Variants in TBC1D5 observed in about 807,000 individuals in gnomAD.
TBC1D5 encodes the protein TBC1 domain family member 5, also known as TBC1 domain family, member 5.
In TBC1D5, 75 loss-of-function variants were observed where a neutral mutation model predicts 100.3. The observed-to-expected ratio is 0.75, with a 90% CI of 0.62 to 0.91. The LOEUF (loss-of-function observed/expected upper bound fraction) is 0.91, where lower values mean the gene tolerates loss of function less well. Among genes scored for constraint, TBC1D5 ranks in the 40% least tolerant of loss-of-function variants. The pLI, the probability that TBC1D5 is intolerant of heterozygous loss-of-function variation, is 0.00. For synonymous variants in TBC1D5, 323 were observed against 325.6 expected, an observed-to-expected ratio of 0.99 and a Z score of 0.09; for missense variants, 910 against 942.4, an observed-to-expected ratio of 0.97 and a Z score of 0.45.
intron 13 of TBC1D5, among the ~76,000 whole-genome samples, chr3:17,362,042 G>A (rs1176969527): frequency 1.3e-5 from 2 of 152,074 alleles, no homozygotes; most frequent in Non-Finnish European, 2.9e-5. Context: ...ATTCAATGGA[G>A]AAAGGGTAGT....
At chr3:17,329,741 C>T (rs1423748910) in intron 13 of TBC1D5, among the ~76,000 whole-genome samples, 10 of 152,172 alleles carry the variant, frequency 6.6e-5, no homozygotes, top group Admixed American at 6.5e-4. Context: ...CTTGGTCTCA[C>T]AGTCCCCAGC....
exon 22 of TBC1D5, chr3:17,160,166 G>A (rs2065910659): frequency 6.6e-6 from 1 of 152,142 alleles, no homozygotes; most frequent in East Asian, 1.9e-4. Flanking sequence ...CAGTAATCTT[G>A]TTTTCTGGCT....
intron 1 of TBC1D5, among the ~76,000 whole-genome samples, chr3:17,681,324 C>T (rs1403101861): frequency 2.6e-5 from 4 of 151,584 alleles, no homozygotes; most frequent in African/African-American, 9.8e-5. Context: ...CATTCAAGTA[C>T]AAATACGCCA....
chr3:17,607,021 T>C (rs2061372570), intron 2 of TBC1D5, among the ~76,000 whole-genome samples: 1 of 152,206 alleles, frequency 6.6e-6, no homozygotes, highest in African/African-American at 2.4e-5. Context: ...ACTAACCAGA[T>C]ATATATATCT....
intron 3 of TBC1D5, among the ~76,000 whole-genome samples, chr3:17,439,929 G>A (rs577136878): frequency 1.3e-5 from 2 of 152,154 alleles, no homozygotes; most frequent in African/African-American, 4.8e-5. Context: ...AACTGTAAAT[G>A]GGCCCTAATT....
intron 13 of TBC1D5, among the ~76,000 whole-genome samples, chr3:17,333,925 G>C (rs907407226): frequency 9.2e-5 from 5 of 54,480 alleles, no homozygotes; most frequent in Non-Finnish European, 1.4e-4. Flanking sequence ...GCAAGTAACA[G>C]GGAGAATGGG....
At chr3:17,556,337 CA>C (rs1048902215) in intron 2 of TBC1D5, among the ~76,000 whole-genome samples, 2 of 151,988 alleles carry the variant, frequency 1.3e-5, no homozygotes, top group Non-Finnish European at 2.9e-5. Flanking sequence ...TTTAAGCCTA[CA>C]AAAAAATAAG....
At chr3:17,720,705 G>A (rs1478548152) in intron 1 of TBC1D5, among the ~76,000 whole-genome samples, 5 of 152,154 alleles carry the variant, frequency 3.3e-5, no homozygotes, top group African/African-American at 4.8e-5. Context: ...AGCTATTTCA[G>A]AGGATCACTT....
chr3:17,518,878 G>T (rs1576476052), intron 2 of TBC1D5: 1 of 152,438 alleles, frequency 6.6e-6, no homozygotes, highest in Admixed American at 6.5e-5. Context: ...AAAAGTGCTT[G>T]CTCTGGCTCC....
At chr3:17,195,136 G>C (rs796278865) in intron 18 of TBC1D5, among the ~76,000 whole-genome samples, 2 of 152,174 alleles carry the variant, frequency 1.3e-5, no homozygotes, top group African/African-American at 4.8e-5. Flanking sequence ...AGGTATAAAA[G>C]GTGTCTCCTA....
intron 1 of TBC1D5, among the ~76,000 whole-genome samples, chr3:17,630,901 G>A (rs920125157): frequency 7.5e-5 from 11 of 147,506 alleles, no homozygotes; most frequent in African/African-American, 2.0e-4. Flanking sequence ...AAAAATAGCC[G>A]GGTGTGGTTG....
intron 3 of TBC1D5, among the ~76,000 whole-genome samples, chr3:17,478,611 A>G (rs2095466639): frequency 6.6e-6 from 1 of 152,198 alleles, no homozygotes; most frequent in Non-Finnish European, 1.5e-5. Context: ...GTTCACTGCT[A>G]GTATACAAAA....
At chr3:17,645,244 A>G (rs906364878) in intron 1 of TBC1D5, among the ~76,000 whole-genome samples, 17 of 152,116 alleles carry the variant, frequency 1.1e-4, no homozygotes, top group Non-Finnish European at 1.5e-5. Flanking sequence ...ATTTTCTCAG[A>G]TCCCAAATGA....
intron 16 of TBC1D5, among the ~76,000 whole-genome samples, chr3:17,241,848 C>T (rs993460067): frequency 6.6e-5 from 10 of 152,054 alleles, no homozygotes; most frequent in African/African-American, 2.4e-4. Flanking sequence ...TGCAAGTATA[C>T]TAGGATATAA....
chr3:17,443,984 A>T (rs2094724405), intron 3 of TBC1D5, among the ~76,000 whole-genome samples: 1 of 147,842 alleles, frequency 6.8e-6, no homozygotes, highest in African/African-American at 2.7e-5. Flanking sequence ...ACATTATCAA[A>T]ATCACATAAG....
At chr3:17,266,163 T>A (rs1203143250) in intron 15 of TBC1D5, among the ~76,000 whole-genome samples, 2 of 152,162 alleles carry the variant, frequency 1.3e-5, no homozygotes, top group Non-Finnish European at 2.9e-5. Context: ...GGTCTGATAT[T>A]CACTGATTGC....
chr3:17,729,674 T>C (rs921726925), intron 1 of TBC1D5, among the ~76,000 whole-genome samples: 2 of 151,850 alleles, frequency 1.3e-5, no homozygotes, highest in African/African-American at 4.8e-5. Context: ...ACCACTGCAC[T>C]ACAGCCAGGG....
At chr3:17,713,433 AG>A (rs1042345286) in intron 1 of TBC1D5, among the ~76,000 whole-genome samples, 5 of 151,658 alleles carry the variant, frequency 3.3e-5, no homozygotes, top group Non-Finnish European at 7.4e-5. Context: ...TAGTACAGAC[AG>A]GGTTTCACCA....
intron 1 of TBC1D5, among the ~76,000 whole-genome samples, chr3:17,724,198 C>T (rs1272474951): frequency 6.6e-6 from 1 of 151,912 alleles, no homozygotes; most frequent in Non-Finnish European, 1.5e-5. Context: ...CCTCAGTCTC[C>T]CAAATGGCTG....
Sources: allele counts gnomAD v4.1 joint callset (sites outside exome capture counted in the v4.1 genomes callset), GRCh38; gene constraint gnomAD v4.1.1; transcripts MANE v1.5; gene names NCBI Gene and HGNC (gene_info 2026-07-23, HGNC 2026-07-21).